ARPC1B: variants seen among roughly 807,000 people sequenced by gnomAD.
ARPC1B encodes the protein actin related protein 2/3 complex subunit 1B.
ARPC1B carries 29 observed loss-of-function variants against 46.0 expected under a neutral mutation model. That is an observed-to-expected ratio of 0.63 (90% CI 0.47 to 0.86). ARPC1B has a LOEUF of 0.86. ARPC1B is among the 40% of genes least tolerant of loss of function. The pLI, the probability that ARPC1B is intolerant of heterozygous loss-of-function variation, is 0.00. For synonymous variants in ARPC1B, 201 were observed against 213.9 expected, an observed-to-expected ratio of 0.94 and a Z score of 0.53; for missense variants, 469 against 529.4, an observed-to-expected ratio of 0.89 and a Z score of 1.12.
Position 99,384,954 on chromosome 7 carries a change from ATTTTTT to A in ARPC1B, c.-13-724_-13-719del, listed in dbSNP as rs753952597. ...AGGCAGGTGCCACCACACCTGGCTA[ATTTTTT>A]TTTTTTTTTTTTTTTTTTTTTTTGA... On this transcript the variant is annotated intron_variant, in intron 1 of 9. Coordinates refer to ENST00000646101, the MANE Select transcript of ARPC1B (RefSeq NM_005720.4). 7.9e-3 allele frequency among the ~76,000 whole-genome samples: 534 copies of A among 67,326 alleles called. 3 individuals are homozygous for A. Among genetic ancestry groups the A allele is most frequent in the African/African-American group, 0.039 (516 of 13,222 alleles). The allele number at this position is 67,326 out of a possible 152,430, so 44.2% of individuals were successfully genotyped here. A position where few individuals can be genotyped will look rare whatever the true frequency, so the allele number is the denominator to read the frequency against.
chr7:99,389,806 G>A, intron 4 of ARPC1B, 99 bp from the exon 5 acceptor site: 1 of 1,012,062 alleles, frequency 9.9e-7, no homozygotes, highest in Non-Finnish European at 1.5e-6. Flanking sequence ...TCTTTGGTGG[G>A]CTGCAGGGAG....
chr7:99,384,721 A>G (rs186997076), intron 1 of ARPC1B, among the ~76,000 whole-genome samples: 1 of 152,104 alleles, frequency 6.6e-6, no homozygotes, highest in Non-Finnish European at 1.5e-5. Flanking sequence ...CCTTTGCCTC[A>G]GCCATGAGCC....
chr7:99,377,886 G>A (rs1794076295), intron 1 of ARPC1B, among the ~76,000 whole-genome samples: 1 of 151,860 alleles, frequency 6.6e-6, no homozygotes, highest in Non-Finnish European at 1.5e-5. Flanking sequence ...ACCTGCCTCC[G>A]CCTCCCAAAG....
Position 99,391,218 on chromosome 7 carries a change from C to G in ARPC1B, c.748C>G (p.Leu250Val), listed in dbSNP as rs764805361. 1.2e-6 allele frequency: 2 copies of G among 1,613,988 alleles called. No individual in the cohort carries two copies. Among genetic ancestry groups the G allele is most frequent in the East Asian group, 4.5e-5 (2 of 44,890 alleles). ...CTCTGAAACACTACCACTGCTGGCGCTGACCTTCATCACAGACAACAGCCT... is the reference window on the plus strand; with the variant it reads ...CTCTGAAACACTACCACTGCTGGCGGTGACCTTCATCACAGACAACAGCCT... ...LASETLPLLA[L>V]TFITDNSLVA... The change falls in exon 7 of 10, where the codon CTG (leucine) becomes GTG (valine). Residue 250 changes from leucine to valine, a missense_variant. Transcript: ENST00000646101.
At chr7:99,381,890 G>A (rs369966348) in intron 1 of ARPC1B, among the ~76,000 whole-genome samples, 6 of 152,346 alleles carry the variant, frequency 3.9e-5, no homozygotes, top group South Asian at 2.1e-4. Flanking sequence ...GGCAGCCACC[G>A]GCCTCCTGGG....
At position 99,391,195 on chromosome 7, in the gene ARPC1B, C is replaced by T; in HGVS notation, c.725C>T (p.Ser242Phe). 6.2e-7 allele frequency: 1 copy of T among 1,614,110 alleles called. No individual in the cohort carries two copies. Among genetic ancestry groups the T allele is most frequent in the Non-Finnish European group, 8.5e-7 (1 of 1,180,008 alleles). Residue 242 changes from serine to phenylalanine, a missense_variant, in exon 7 of 10, where the codon TCT (serine) becomes TTT (phenylalanine). Ser to Phe is a radical substitution (Grantham distance 155). Transcript: ENST00000646101. ...CCCCTCAGCGTCGCGACTCTGGCCT[C>T]TGAAACACTACCACTGCTGGCGCTG... ...DKKMAVATLA[S>F]ETLPLLALTF...
At chr7:99,388,356 G>A (rs936263043) in intron 4 of ARPC1B, 95 bp downstream of exon 4, 1 of 1,246,466 alleles carries the variant, frequency 8.0e-7, no homozygotes, top group Non-Finnish European at 1.1e-6. Flanking sequence ...CAGGACCCCT[G>A]TTCCCATCAC....
Position 99,394,452 on chromosome 7 carries a change from G to A in ARPC1B, c.1082G>A (p.Ser361Asn). 6.2e-7 allele frequency: 1 copy of A among 1,613,902 alleles called. No homozygotes were observed. The highest frequency in any genetic ancestry group is 8.5e-7 in the Non-Finnish European group (1 of 1,179,832). ...CCTGTCCGTTCTGCCTCCCTGCAGA[G>A]CTTGGAGTCAGCCTTGAAGGACCTC... ...DGGMSIWDVK[S>N]LESALKDLKI... is the part of the protein sequence containing the mutation. The change falls in exon 10 of 10, where the codon AGC becomes AAC. Residue 361 changes from serine to asparagine, a missense_variant and splice_region_variant. Physicochemically the swap from Ser to Asn is conservative, Grantham distance 46 (BLOSUM62 1). Coordinates refer to ENST00000646101, the MANE Select transcript of ARPC1B (RefSeq NM_005720.4).
rs765798004 is a variant in ARPC1B, at chr7:99,385,720, C to T, written c.6C>T (p.Ala2=). 2 of 1,610,600 alleles carry T rather than the reference C, an allele frequency of 1.2e-6. No homozygotes were observed. The highest frequency in any genetic ancestry group is 1.7e-6 in the Non-Finnish European group (2 of 1,179,310). M[A]YHSFLVEPIS... is the part of the protein sequence containing the mutation. ...GGCACAGGAGCCAAGCCGCCATGGC[C>T]TACCACAGCTTCCTGGTGGAGCCCA... Residue 2 remains alanine, a synonymous_variant, in exon 2 of 10, where the codon GCC becomes GCT. Transcript: ENST00000646101.
chr7:99,391,090 A>G lies in ARPC1B; in HGVS notation c.698A>G (p.Lys233Arg), dbSNP rs1313215222. Residue 233 changes from lysine (K) to arginine (R), a missense_variant, in exon 6 of 10, where the codon AAG becomes AGG. Coordinates refer to ENST00000646101, the MANE Select transcript of ARPC1B (RefSeq NM_005720.4). The part of the protein sequence containing the change: ...DSTVCLADAD[K>R]KMAVATLASE... The stretch of plus-strand genomic sequence containing the variant: ...ACCGTCTGCCTGGCTGATGCCGACA[A>G]GAAGATGGCGTGAGTCGAGGCCATC... 1 of 1,613,600 alleles carries G rather than the reference A, an allele frequency of 6.2e-7. No homozygotes were observed. The highest frequency in any genetic ancestry group is 8.5e-7 in the Non-Finnish European group (1 of 1,179,728).
At chr7:99,380,567 T>C (rs1043438404) in intron 1 of ARPC1B, among the ~76,000 whole-genome samples, 11 of 152,156 alleles carry the variant, frequency 7.2e-5, no homozygotes, top group African/African-American at 2.7e-4. Context: ...TTCCAGCCCC[T>C]CCTCTGCCCC....
chr7:99,388,500 G>A (rs1005456681), intron 4 of ARPC1B, among the ~76,000 whole-genome samples: 3 of 152,204 alleles, frequency 2.0e-5, no homozygotes, highest in Non-Finnish European at 1.5e-5. Context: ...ACTAAGCCCT[G>A]CACACACATT....
intron 2 of ARPC1B, chr7:99,386,250 C>CA (rs397941748): frequency 0.045 from 12,642 of 279,078 alleles, 9 homozygotes; most frequent in South Asian, 0.058. Flanking sequence ...GACTCTGTCT[C>CA]AAAAAAAAAA....
At chr7:99,383,654 T>G (rs1562812816) in intron 1 of ARPC1B, among the ~76,000 whole-genome samples, 1 of 152,178 alleles carries the variant, frequency 6.6e-6, no homozygotes, top group East Asian at 1.9e-4. Flanking sequence ...AAGTTGACAT[T>G]TGAGTACAGA....
intron 1 of ARPC1B, 99 bp from the exon 2 acceptor site, chr7:99,385,603 T>A: frequency 9.7e-7 from 1 of 1,025,700 alleles, no homozygotes; most frequent in Non-Finnish European, 1.5e-6. Context: ...GGGGCCTCCC[T>A]GGTGTGAGGC....
At chr7:99,378,120 C>T (rs1234350489) in intron 1 of ARPC1B, among the ~76,000 whole-genome samples, 2 of 152,014 alleles carry the variant, frequency 1.3e-5, no homozygotes, top group Non-Finnish European at 2.9e-5. Flanking sequence ...AGTACAGTGA[C>T]GAGATCTCGG....
intron 1 of ARPC1B, among the ~76,000 whole-genome samples, chr7:99,384,825 C>T (rs1159968129): frequency 6.6e-6 from 1 of 151,512 alleles, no homozygotes; most frequent in Non-Finnish European, 1.5e-5. Flanking sequence ...ATGTGCTGGA[C>T]ACCTTTCTAG....
chr7:99,390,109 C>T, intron 5 of ARPC1B, 97 bp downstream of exon 5: 1 of 1,101,374 alleles, frequency 9.1e-7, no homozygotes, highest in East Asian at 2.4e-5. Context: ...ACCCCAGCTT[C>T]TAGACACATT....
chr7:99,391,388 T>C, intron 7 of ARPC1B, 135 bp downstream of exon 7: 2 of 965,460 alleles, frequency 2.1e-6, no homozygotes, highest in Non-Finnish European at 3.1e-6. Context: ...TGTACCAGAA[T>C]TGGGCAGAAC....
Sources: allele counts gnomAD v4.1 joint callset (sites outside exome capture counted in the v4.1 genomes callset), GRCh38; gene constraint gnomAD v4.1.1; transcripts MANE v1.5; gene names NCBI Gene and HGNC (gene_info 2026-07-23, HGNC 2026-07-21).